The following TLN1 variants were observed in gnomAD, a reference collection of about 807,000 sequenced individuals.
The protein encoded by TLN1 is talin 1.
TLN1 carries 56 observed loss-of-function variants against 292.3 expected under a neutral mutation model. The ratio of observed to expected loss-of-function variants is 0.19; its 90% CI spans 0.15 to 0.24. The LOEUF is 0.24. Among genes scored for constraint, TLN1 ranks in the 10% least tolerant of loss-of-function variants. The probability of loss-of-function intolerance (pLI) is 1.00; values close to 1 mark genes in which losing one functional copy is unlikely to be tolerated. For synonymous variants in TLN1, 1,119 were observed against 1,253.7 expected (o/e 0.89, Z 2.27); for missense variants, 2,433 against 3,248.2 (o/e 0.75, Z 6.10).
rs1040422267 is a variant in TLN1 at position 35,700,486 on chromosome 9, G to T, written c.6475-110C>A. The T allele has an allele frequency of 1.6e-5, 18 of 1,142,992 alleles. No individual in the cohort carries two copies. The African/African-American group carries it at 2.6e-4, about 17-fold the overall frequency. The allele number at this position is 1,142,992 out of a possible 1,614,324, so 70.8% of individuals were successfully genotyped here. ...CAGACATTCACACATCACAGTGAAT[G>T]TAACAAGGCAGTTGGTTATTGTTTC... On this transcript the variant is annotated intron_variant, in intron 48 of 56. Transcript: ENST00000314888.
Position 35,699,542 on chromosome 9 carries a change from C to A in TLN1, c.6769-81G>T. 6.7e-7 allele frequency: 1 copy of A among 1,501,252 alleles called. No individual in the cohort carries two copies. The highest frequency in any genetic ancestry group is 2.3e-5 in the East Asian group (1 of 43,424). 93.0% of individuals were successfully genotyped at this position (1,501,252 alleles called of 1,614,324 possible). On this transcript the variant is annotated intron_variant, in intron 50 of 56. Transcript: ENST00000314888. The surrounding 1 kb of genome is among the most constrained non-coding windows in gnomAD (Gnocchi z 4.0). ...TCTATGAAATAGGGCAGACCATGGC[C>A]CCCTCACCCCTATCCCTAGAGCACT... is the stretch of plus-strand genomic sequence containing the variant.
At position 35,699,739 on chromosome 9, in the gene TLN1, G is replaced by A. The variant is rs1275847237; in HGVS notation, c.6768+235C>T. The A allele has an allele frequency of 1.0e-6, 1 of 959,160 alleles. No individual in the cohort carries two copies. Among genetic ancestry groups the A allele is most frequent in the Non-Finnish European group, 1.2e-6 (1 of 805,954 alleles). The allele number at this position is 959,160 out of a possible 1,614,324, so 59.4% of individuals were successfully genotyped here. ...AGTAGAGAAGGGGGTGGTCAGGTGG[G>A]AAGGGAGGAGAAAAGAAAAAGAGGA... On this transcript the variant is annotated intron_variant, in intron 50 of 56. Coordinates refer to ENST00000314888, the MANE Select transcript of TLN1 (RefSeq NM_006289.4). The surrounding 1 kb of genome is among the most constrained non-coding windows in gnomAD (Gnocchi z 4.0).
Position 35,715,042 on chromosome 9 carries a change from G to C in TLN1, c.2754+17C>G. On this transcript the variant is annotated intron_variant, in intron 21 of 56. Coordinates refer to ENST00000314888, the MANE Select transcript of TLN1 (RefSeq NM_006289.4). The stretch of plus-strand genomic sequence containing the variant: ...ACCCACACTCTCTCTTGCTCCTGGT[G>C]AAACTCCCAGCCTCACCTCCAGGCG... 1 of 1,612,618 alleles carries C rather than the reference G, an allele frequency of 6.2e-7. No homozygotes were observed. The highest frequency in any genetic ancestry group is 8.5e-7 in the Non-Finnish European group (1 of 1,180,036).
At chr9:35,716,662 T>C in intron 19 of TLN1, 106 bp from the exon 20 acceptor site, 1 of 1,235,538 alleles carries the variant, frequency 8.1e-7, no homozygotes, top group South Asian at 1.5e-5. Flanking sequence ...ATGGGGGCTT[T>C]AGGGACAGAA....
chr9:35,713,001 G>A lies in TLN1; in HGVS notation c.3395C>T (p.Ala1132Val). 2.5e-6 allele frequency: 4 copies of A among 1,608,728 alleles called. No individual in the cohort carries two copies. The South Asian group carries it at 3.3e-5, about 13-fold the overall frequency. Reference sequence around the variant, plus strand: ...TGCAGCGACTCCCCTAGCGGCCTGGGCCAGTGACCGCAGCCCACCTGCCAC... The same window carrying A: ...TGCAGCGACTCCCCTAGCGGCCTGGACCAGTGACCGCAGCCCACCTGCCAC... Reference protein sequence around the residue: ...RDVAGGLRSLAQAARGVAALT... With the variant: ...RDVAGGLRSLVQAARGVAALT... The change falls in exon 27 of 57, where the codon GCC (alanine) becomes GTC (valine). Residue 1132 changes from alanine (A) to valine (V), a missense_variant. By Grantham distance (64) the Ala-to-Val change is moderately conservative. This residue lies in a region of TLN1 where 1,384 missense variants were observed against 1,699.6 expected (regional missense o/e 0.81). Coordinates refer to ENST00000314888, the MANE Select transcript of TLN1 (RefSeq NM_006289.4).
intron 1 of TLN1, 148 bp from the exon 2 acceptor site, chr9:35,725,875 T>A: frequency 1.5e-6 from 1 of 661,232 alleles, no homozygotes; most frequent in Non-Finnish European, 2.4e-6. Flanking sequence ...TTAATAATTT[T>A]AAAGAGTGAA....
Position 35,710,624 on chromosome 9 carries a change from C to T in TLN1, c.4263G>A (p.Glu1421=). The change falls in exon 33 of 57, where the codon GAG becomes GAA. Residue 1421 remains glutamate (E), a synonymous_variant. Transcript: ENST00000314888. ...SQNAKNGNLP[E]FGDAISTASK... ...AGGCTGTGGAAATGGCATCTCCAAA[C>T]TCTGGCAGGTTTCCGTTCTTGGCAT... 1 of 1,614,258 alleles carries T rather than the reference C, an allele frequency of 6.2e-7. No homozygotes were observed. Among genetic ancestry groups the T allele is most frequent in the South Asian group, 1.1e-5 (1 of 91,088 alleles).
At position 35,725,741 on chromosome 9, in the gene TLN1, T is replaced by C. The variant is rs759026218; in HGVS notation, c.-33-14A>G. 15 of 1,607,030 alleles carry C rather than the reference T, an allele frequency of 9.3e-6. No individual in the cohort carries two copies. In the South Asian group the frequency reaches 1.7e-4, roughly 18 times the overall value. ...GCCTGGCTATACCTGACCCATGGCATCAGGGCATTAGAATACACTCTTCTG... is the reference window on the plus strand; with the variant it reads ...GCCTGGCTATACCTGACCCATGGCACCAGGGCATTAGAATACACTCTTCTG... On this transcript the variant is annotated splice_polypyrimidine_tract_variant and intron_variant, in intron 1 of 56. Coordinates refer to ENST00000314888, the MANE Select transcript of TLN1 (RefSeq NM_006289.4).
chr9:35,713,450 G>A (rs1434601923), intron 25 of TLN1, 152 bp from the exon 26 acceptor site: 1 of 583,070 alleles, frequency 1.7e-6, no homozygotes. Context: ...TTGGGAGGCT[G>A]AGGCAGGTGG....
intron 29 of TLN1, 63 bp from the exon 30 acceptor site, chr9:35,711,457 CT>C: frequency 6.2e-7 from 1 of 1,609,638 alleles, no homozygotes. Flanking sequence ...TAAAAGGGAT[CT>C]TCTTTCCCAG....
At position 35,697,628 on chromosome 9, in the gene TLN1, A is replaced by C; in HGVS notation, c.*163T>G. The C allele has an allele frequency of 9.8e-7, 1 of 1,024,164 alleles. No individual in the cohort carries two copies. Among genetic ancestry groups the C allele is most frequent in the Non-Finnish European group, 1.4e-6 (1 of 710,886 alleles). The allele number at this position is 1,024,164 out of a possible 1,614,324, so 63.4% of individuals were successfully genotyped here. ...GAAGGCACTTGGGGTTGGGGAGGGG[A>C]CAGGGGATGTACTGCGGGACTGGGC... On this transcript the variant is annotated 3_prime_UTR_variant, in exon 57 of 57. Coordinates refer to ENST00000314888, the MANE Select transcript of TLN1 (RefSeq NM_006289.4).
In TLN1 at chr9:35,714,629, G is replaced by A. The variant is rs568812149; in HGVS notation, c.2930C>T (p.Pro977Leu). The A allele has an allele frequency of 5.9e-5, 96 of 1,613,582 alleles. 1 individual carries two copies. The South Asian group carries it at 1.0e-3, about 17-fold the overall frequency. ...VQGVRGSQAQ[P>L]DSPSAQLALI... ...GGCAAGCTGAGCGCTGGGGCTGTCA[G>A]GCTGGGCTTGGCTTCCTCGGACGCC... Residue 977 changes from proline (P) to leucine (L), a missense_variant, in exon 23 of 57, where the codon CCT becomes CTT. Pro to Leu is a moderately conservative substitution (Grantham distance 98). Transcript: ENST00000314888. The surrounding 1 kb of genome is among the most constrained non-coding windows in gnomAD (Gnocchi z 4.6).
chr9:35,731,355 GCA>G lies in TLN1; in HGVS notation c.-34+718_-34+719del, dbSNP rs535403763. Among the ~76,000 whole-genome samples the G allele has an allele frequency of 4.1e-3, 629 of 152,064 alleles. 1 individual carries two copies. The highest frequency in any genetic ancestry group is 5.3e-3 in the Non-Finnish European group (363 of 67,980). ...GGCTTGGACATTCATCCCTTTCCTA[GCA>G]CAGACTCATATCCAATCCCTGATCC... is the stretch of plus-strand genomic sequence containing the variant. On this transcript the variant is annotated intron_variant, in intron 1 of 56. Transcript: ENST00000314888.
At position 35,699,675 on chromosome 9, in the gene TLN1, G is replaced by C; in HGVS notation, c.6769-214C>G. ...GCTGTGTCACTCACCGGCTGACAAG[G>C]AGCAAGGAGAATGATGAGATGAAAG... is the stretch of plus-strand genomic sequence containing the variant. On this transcript the variant is annotated intron_variant, in intron 50 of 56. Coordinates refer to ENST00000314888, the MANE Select transcript of TLN1 (RefSeq NM_006289.4). This position sits in a 1 kb window ranked among gnomAD's most constrained non-coding sequence, Gnocchi z 4.0. 1 of 985,386 alleles carries C rather than the reference G, an allele frequency of 1.0e-6. No individual in the cohort carries two copies. The highest frequency in any genetic ancestry group is 1.2e-6 in the Non-Finnish European group (1 of 829,934). The allele number at this position is 985,386 out of a possible 1,614,324, so 61.0% of individuals were successfully genotyped here. A position where few individuals can be genotyped will look rare whatever the true frequency, so the allele number is the denominator to read the frequency against.
chr9:35,704,775 T>C lies in TLN1; in HGVS notation c.5774A>G (p.His1925Arg). Reference protein sequence around the residue: ...HIKHRVQELGHGCAALVTKAG... With the variant: ...HIKHRVQELGRGCAALVTKAG... Reference sequence around the variant, plus strand: ...CTTGGTGACCAGAGCGGCACAGCCATGGCCCAGCTCCTGTACCCGGTGTTT... The same window carrying C: ...CTTGGTGACCAGAGCGGCACAGCCACGGCCCAGCTCCTGTACCCGGTGTTT... The change falls in exon 44 of 57, where the codon CAT becomes CGT. Residue 1925 changes from histidine (H) to arginine (R), a missense_variant. Around this residue, in one of 7 missense-constraint regions of TLN1, gnomAD observed 1,384 missense variants for 1,699.6 expected, o/e 0.81. Coordinates refer to ENST00000314888, the MANE Select transcript of TLN1 (RefSeq NM_006289.4). This position sits in a 1 kb window ranked among gnomAD's most constrained non-coding sequence, Gnocchi z 6.9. 6.2e-7 allele frequency: 1 copy of C among 1,614,152 alleles called. No individual in the cohort carries two copies. The highest frequency in any genetic ancestry group is 8.5e-7 in the Non-Finnish European group (1 of 1,180,026).
In TLN1 at chr9:35,706,475, G is replaced by C. The variant is rs753640062; in HGVS notation, c.5165C>G (p.Ala1722Gly). The C allele has an allele frequency of 3.7e-6, 6 of 1,614,102 alleles. No homozygotes were observed. In the East Asian group the frequency reaches 6.7e-5, roughly 18 times the overall value. The change falls in exon 39 of 57, where the codon GCT (alanine) becomes GGT (glycine). Residue 1722 changes from alanine to glycine, a missense_variant. Ala to Gly is a moderately conservative substitution (Grantham distance 60, BLOSUM62 0). Transcript: ENST00000314888. This position sits in a 1 kb window ranked among gnomAD's most constrained non-coding sequence, Gnocchi z 4.2. Reference sequence around the variant, plus strand: ...CTTGTGTCCCAGCTGGGAGGCTTCAGCCCGGGCAGCATTGGCCAGCGGCTC... The same window carrying C: ...CTTGTGTCCCAGCTGGGAGGCTTCACCCCGGGCAGCATTGGCCAGCGGCTC... ...LIEPLANAAR[A>G]EASQLGHKVS...
intron 19 of TLN1, 63 bp from the exon 20 acceptor site, chr9:35,716,619 C>A: frequency 6.4e-7 from 1 of 1,569,606 alleles, no homozygotes; most frequent in East Asian, 2.3e-5. Flanking sequence ...GGGGTGGGGA[C>A]AAAGGTGGGG....
intron 12 of TLN1, 83 bp from the exon 13 acceptor site, chr9:35,720,302 G>GT: frequency 6.5e-7 from 1 of 1,535,524 alleles, no homozygotes; most frequent in Non-Finnish European, 8.8e-7. Flanking sequence ...TTGCAGGTGT[G>GT]TGAGGTCTCA....
At chr9:35,710,943 GA>G in intron 31 of TLN1, 45 bp downstream of exon 31, 1 of 1,613,774 alleles carries the variant, frequency 6.2e-7, no homozygotes, top group Non-Finnish European at 8.5e-7. Context: ...CCCAAAACCA[GA>G]ACACTTCCCT....
Sources: allele counts gnomAD v4.1 joint callset (sites outside exome capture counted in the v4.1 genomes callset), GRCh38; gene constraint gnomAD v4.1.1; regional missense constraint gnomAD v4.1.1; non-coding constraint Gnocchi (gnomAD v3.1); transcripts MANE v1.5; gene names NCBI Gene and HGNC (gene_info 2026-07-23, HGNC 2026-07-21).